Variants in PMS2 observed in about 807,000 individuals in gnomAD.
PMS2 encodes mismatch repair endonuclease PMS2.
Under a neutral mutation model 90.0 loss-of-function variants are expected in PMS2, and 69 were observed. The ratio of observed to expected loss-of-function variants is 0.77; its 90% confidence interval spans 0.63 to 0.94. The LOEUF (loss-of-function observed/expected upper bound fraction) is 0.94. PMS2 is among the 40% of genes least tolerant of loss of function. PMS2 has a pLI of 0.00. For missense variants in PMS2, 966 were observed against 1,040.2 expected (o/e 0.93, Z 0.98); for synonymous variants, 332 against 375.1 (o/e 0.89, Z 1.33).
rs1785870815 is a variant in PMS2, at chr7:6,007,115, GTTA to G, written c.24-1087_24-1085del. Among the ~76,000 whole-genome samples, 4 of 131,652 alleles carry G rather than the reference GTTA, an allele frequency of 3.0e-5. No individual in the cohort carries two copies. In the South Asian group the frequency reaches 8.1e-4, roughly 27 times the overall value. 86.4% of individuals were successfully genotyped at this position (131,652 alleles called of 152,430 possible). A position where few individuals can be genotyped will look rare whatever the true frequency, so the allele number is the denominator to read the frequency against. On this transcript the variant is annotated intron_variant, in intron 1 of 14. Coordinates refer to ENST00000265849, the MANE Select transcript of PMS2 (RefSeq NM_000535.7). ...TATTATTATTATTATTATTATTATT[GTTA>G]TTATTGTTATTATTTGAGACAGAGT...
At chr7:5,983,130 T>G in intron 11 of PMS2, 139 bp from the exon 12 acceptor site, 1 of 1,304,974 alleles carries the variant, frequency 7.7e-7, no homozygotes, top group African/African-American at 1.6e-5. Context: ...TCTTTTTTTT[T>G]GAAACAGAGT....
intron 2 of PMS2, among the ~76,000 whole-genome samples, chr7:6,005,020 T>G (rs1360725469): frequency 2.0e-5 from 3 of 151,860 alleles, no homozygotes; most frequent in Admixed American, 1.3e-4. Flanking sequence ...TTCTCCTCCT[T>G]CAGCGTCCTG....
chr7:5,987,531 T>C lies in PMS2; in HGVS notation c.1234A>G (p.Lys412Glu), dbSNP rs587778616. The C allele has an allele frequency of 3.1e-6, 5 of 1,614,204 alleles. No homozygotes were observed. The highest frequency in any genetic ancestry group is 4.2e-6 in the Non-Finnish European group (5 of 1,180,036). Reference protein sequence around the residue: ...QSPSLRTGEEKKDVSISRLRE... With the variant: ...QSPSLRTGEEEKDVSISRLRE... ...AGTCTGGAAATGGACACGTCTTTTT[T>C]TTCTTCTCCAGTCCTTAATGAAGGG... Residue 412 changes from lysine (K) to glutamate (E), a missense_variant, in exon 11 of 15, where the codon AAA becomes GAA. Transcript: ENST00000265849.
intron 4 of PMS2, 117 bp from the exon 5 acceptor site, chr7:6,002,753 T>G (rs1311185291): frequency 1.2e-6 from 1 of 824,898 alleles, no homozygotes; most frequent in Non-Finnish European, 2.1e-6. Flanking sequence ...TGACGATCCC[T>G]CTGAGATAAT....
In PMS2 at chr7:6,008,964, A is replaced by AG. The variant is rs1439060246; in HGVS notation, c.23+32dup. ...GTGGGTCTCAAAGAGGGCGCGCGAG[A>AG]GGGGACACCGGAAGACTGCGAGCCC... On this transcript the variant is annotated intron_variant, in intron 1 of 14. Transcript: ENST00000265849. The AG allele has an allele frequency of 5.0e-5, 81 of 1,612,004 alleles. No individual in the cohort carries two copies. Among genetic ancestry groups the AG allele is most frequent in the Non-Finnish European group, 6.5e-5 (77 of 1,179,414 alleles).
At chr7:5,993,788 G>T (rs1045629157) in intron 8 of PMS2, among the ~76,000 whole-genome samples, 3 of 148,578 alleles carry the variant, frequency 2.0e-5, no homozygotes, top group Non-Finnish European at 4.5e-5. Flanking sequence ...GTGAACCTGG[G>T]AGGCGGTGCT....
chr7:5,982,676 A>T (rs1278891371), intron 12 of PMS2, 148 bp downstream of exon 12: 1 of 1,221,416 alleles, frequency 8.2e-7, no homozygotes, highest in Non-Finnish European at 1.2e-6. Flanking sequence ...TCCTTCCTAG[A>T]TCTCTTCTTT....
At chr7:5,989,703 C>T (rs573683227) in intron 10 of PMS2, 97 bp downstream of exon 10, 217 of 895,586 alleles carry the variant, frequency 2.4e-4, no homozygotes, top group Non-Finnish European at 3.6e-4. Context: ...ATATAAGAGA[C>T]TTTGTTTTCA....
At chr7:5,996,577 T>TAAAAAA (rs775240349) in intron 7 of PMS2, among the ~76,000 whole-genome samples, 3 of 93,110 alleles carry the variant, frequency 3.2e-5, no homozygotes, top group African/African-American at 7.8e-5. Flanking sequence ...ATCTCAAAGC[T>TAAAAAA]AAAAAAAAAA....
intron 8 of PMS2, among the ~76,000 whole-genome samples, chr7:5,994,887 T>C (rs553485282): frequency 2.0e-4 from 31 of 152,182 alleles, no homozygotes; most frequent in African/African-American, 7.5e-4. Context: ...ACATAGTCTA[T>C]AGGCAAAATA....
At chr7:6,008,640 G>C (rs1786163983) in intron 1 of PMS2, among the ~76,000 whole-genome samples, 1 of 152,102 alleles carries the variant, frequency 6.6e-6, no homozygotes, top group Non-Finnish European at 1.5e-5. Context: ...AGGGGAGAGA[G>C]AACAGGTAGA....
Position 5,973,429 on chromosome 7 carries a change from G to C in PMS2, c.2559C>G (p.Ile853Met), listed in dbSNP as rs371673459. 8.5e-5 allele frequency: 83 copies of C among 977,138 alleles called. 6 individuals are homozygous for C. The highest frequency in any genetic ancestry group is 3.0e-4 in the Middle Eastern group (1 of 3,314). The allele number at this position is 977,138 out of a possible 1,614,324, so 60.5% of individuals were successfully genotyped here. Residue 853 changes from isoleucine to methionine, a missense_variant, in exon 15 of 15, where the codon ATC becomes ATG. Physicochemically the swap from Ile to Met is conservative, Grantham distance 10 (BLOSUM62 1). Transcript: ENST00000265849. Reference sequence around the variant, plus strand: ...TCTGAGAAATGACACCCAGGTTGGCGATGTGTCTCATGGTTGGCCTTCCAT... The same window carrying C: ...TCTGAGAAATGACACCCAGGTTGGCCATGTGTCTCATGGTTGGCCTTCCAT... ...CPHGRPTMRH[I>M]ANLGVISQN
chr7:5,988,715 G>A (rs1464304168), intron 10 of PMS2, among the ~76,000 whole-genome samples: 3 of 152,184 alleles, frequency 2.0e-5, no homozygotes, highest in East Asian at 1.9e-4. Flanking sequence ...TATAGCGAAC[G>A]AATAAATGAA....
intron 6 of PMS2, among the ~76,000 whole-genome samples, chr7:5,998,798 T>C (rs1784737282): frequency 6.6e-6 from 1 of 151,796 alleles, no homozygotes; most frequent in Non-Finnish European, 1.5e-5. Flanking sequence ...GAGACCAGCC[T>C]GGCCAACACG....
At chr7:5,996,590 A>ATATATAT (rs1554301107) in intron 7 of PMS2, among the ~76,000 whole-genome samples, 11 of 110,182 alleles carry the variant, frequency 1.0e-4, no homozygotes, top group East Asian at 2.8e-4. Context: ...AAAAAAAAAA[A>ATATATAT]ATATATATAT....
intron 10 of PMS2, among the ~76,000 whole-genome samples, chr7:5,987,998 AGC>A (rs1783239276): frequency 7.2e-6 from 1 of 138,950 alleles, no homozygotes; most frequent in South Asian, 2.5e-4. Context: ...GGTTGCAGTG[AGC>A]CAAGATGCCA....
intron 5 of PMS2, among the ~76,000 whole-genome samples, chr7:6,001,399 T>C (rs1785074833): frequency 7.6e-6 from 1 of 131,888 alleles, no homozygotes; most frequent in Non-Finnish European, 1.6e-5. Flanking sequence ...TGAGATGGGG[T>C]CTGGCTCTGT....
chr7:5,981,910 C>T (rs2711200), intron 12 of PMS2, among the ~76,000 whole-genome samples: 2 of 151,532 alleles, frequency 1.3e-5, no homozygotes, highest in Admixed American at 6.6e-5. Context: ...ATTCTAGGCA[C>T]TGAATAAATG....
At chr7:5,984,700 G>A (rs745855914) in intron 11 of PMS2, among the ~76,000 whole-genome samples, 7 of 151,616 alleles carry the variant, frequency 4.6e-5, no homozygotes, top group Non-Finnish European at 7.4e-5. Context: ...CAGAAGAATC[G>A]TTTGAACCCG....
Sources: allele counts gnomAD v4.1 joint callset (sites outside exome capture counted in the v4.1 genomes callset), GRCh38; gene constraint gnomAD v4.1.1; transcripts MANE v1.5; gene names NCBI Gene and HGNC (gene_info 2026-07-23, HGNC 2026-07-21).